The following RPS6 variants were observed in gnomAD, a reference collection of about 807,000 sequenced individuals.
RPS6 encodes the protein small ribosomal subunit protein eS6.
In RPS6, 1 loss-of-function variant was observed where a neutral mutation model predicts 27.1. The observed-to-expected ratio is 0.04, with a 90% CI of 0.01 to 0.18. RPS6 has a LOEUF of 0.18. Ranked by LOEUF, RPS6 falls within the 10% of genes least tolerant of loss-of-function variation. The pLI, the probability that RPS6 is intolerant of heterozygous loss-of-function variation, is 1.00. For synonymous variants in RPS6, 152 were observed against 106.0 expected, an observed-to-expected ratio of 1.43 and a Z score of -2.66; for missense variants, 259 against 319.1, an observed-to-expected ratio of 0.81 and a Z score of 1.44.
At chr9:19,377,392 CTTTTT>C (rs77882767) in intron 4 of RPS6, among the ~76,000 whole-genome samples, 5 of 132,432 alleles carry the variant, frequency 3.8e-5, no homozygotes, top group Admixed American at 1.5e-4. Flanking sequence ...TTGTCAATTG[CTTTTT>C]TTTTTTTTTT....
Position 19,378,885 on chromosome 9 carries a change from T to G in RPS6, c.172A>C (p.Lys58Gln). 6.2e-7 allele frequency: 1 copy of G among 1,614,220 alleles called. No individual in the cohort carries two copies. The highest frequency in any genetic ancestry group is 2.2e-5 in the East Asian group (1 of 44,894). ...CCCTGCTTCATGGGGAAACCTTGTT[T>G]GTCGTTCCCACCACTGATTCGGACC... ...YVVRISGGND[K>Q]QGFPMKQGVL... is the part of the protein sequence containing the mutation. Residue 58 changes from lysine to glutamine, a missense_variant, in exon 3 of 6, where the codon AAA (lysine) becomes CAA (glutamine). Physicochemically the swap from Lys to Gln is moderately conservative, Grantham distance 53 (BLOSUM62 1). Coordinates refer to ENST00000380394, the MANE Select transcript of RPS6 (RefSeq NM_001010.3).
Position 19,380,199 on chromosome 9 carries a change from G to T in RPS6, c.-4C>A. 6.2e-7 allele frequency: 1 copy of T among 1,613,346 alleles called. No individual in the cohort carries two copies. The highest frequency in any genetic ancestry group is 8.5e-7 in the Non-Finnish European group (1 of 1,179,318). On this transcript the variant is annotated 5_prime_UTR_variant, in exon 1 of 6. Transcript: ENST00000380394. The stretch of plus-strand genomic sequence containing the variant: ...CGCCACCATCACCTACCTTCATCTT[G>T]AAGCAGCTGAACGCCTCCGAGGCGC...
At position 19,379,549 on chromosome 9, in the gene RPS6, T is replaced by A. The variant is rs1829644763; in HGVS notation, c.76A>T (p.Thr26Ser). 1 of 1,614,098 alleles carries A rather than the reference T, an allele frequency of 6.2e-7. No individual in the cohort carries two copies. The highest frequency in any genetic ancestry group is 1.7e-5 in the Admixed American group (1 of 60,000). The change falls in exon 2 of 6, where the codon ACT (threonine) becomes TCT (serine). Residue 26 changes from threonine to serine, a missense_variant. By Grantham distance (58) the Thr-to-Ser change is moderately conservative. Transcript: ENST00000380394. ...IEVDDERKLR[T>S]FYEKRMATEV... The stretch of plus-strand genomic sequence containing the variant: ...GTGGCCATACGCTTCTCATAGAAAG[T>A]ACGAAGTTTGCGTTCATCGTCCACT...
At position 19,376,533 on chromosome 9, in the gene RPS6, C is replaced by T. The variant is rs11541619; in HGVS notation, c.615G>A (p.Glu205=). 8 of 1,614,154 alleles carry T rather than the reference C, an allele frequency of 5.0e-6. No individual in the cohort carries two copies. The highest frequency in any genetic ancestry group is 6.8e-6 in the Non-Finnish European group (8 of 1,180,020). The change falls in exon 5 of 6, where the codon GAG becomes GAA. Residue 205 remains glutamate (E), a synonymous_variant. Coordinates refer to ENST00000380394, the MANE Select transcript of RPS6 (RefSeq NM_001010.3). The part of the protein sequence containing the change: ...KKQRTKKNKE[E]AAEYAKLLAK... ...CCAAAAGTTTAGCATATTCTGCAGC[C>T]TCTTCTTTATTTTTCTTGGTACGCT...
At chr9:19,380,053 A>C in intron 1 of RPS6, 137 bp downstream of exon 1, 1 of 1,585,674 alleles carries the variant, frequency 6.3e-7, no homozygotes, top group Non-Finnish European at 8.6e-7. Flanking sequence ...TGCCCCAGAA[A>C]GGCGAGCCTT....
intron 4 of RPS6, 28 bp from the exon 5 acceptor site, chr9:19,376,679 CA>C (rs1431881811): frequency 6.3e-7 from 1 of 1,586,130 alleles, no homozygotes; most frequent in Admixed American, 1.9e-5. Context: ...TCAATCATTT[CA>C]ATATTTGTTT....
At position 19,378,283 on chromosome 9, in the gene RPS6, G is replaced by A. The variant is rs147830872; in HGVS notation, c.496+85C>T. ...TGAATAGTGCTAAGGCCTTCCAAAG[G>A]CACATATTTATCTTCTGATATGCAC... On this transcript the variant is annotated intron_variant, in intron 4 of 5. Coordinates refer to ENST00000380394, the MANE Select transcript of RPS6 (RefSeq NM_001010.3). 1,417 of 1,362,624 alleles carry A rather than the reference G, an allele frequency of 1.0e-3. 14 individuals are homozygous for A. In the African/African-American group the frequency reaches 0.018, roughly 17 times the overall value. The allele number at this position is 1,362,624 out of a possible 1,614,324, so 84.4% of individuals were successfully genotyped here. A position where few individuals can be genotyped will look rare whatever the true frequency, so the allele number is the denominator to read the frequency against.
chr9:19,376,720 T>A lies in RPS6; in HGVS notation c.497-69A>T, dbSNP rs1042475179. ...AGAATCCACATCTACTTTAAAAACA[T>A]CAGAAATAAACGTAAGCTTAACAGC... On this transcript the variant is annotated intron_variant, in intron 4 of 5. Transcript: ENST00000380394. 4.7e-6 allele frequency: 7 copies of A among 1,477,288 alleles called. No homozygotes were observed. In the Middle Eastern group the frequency reaches 5.5e-4, roughly 116 times the overall value. The allele number at this position is 1,477,288 out of a possible 1,614,324, so 91.5% of individuals were successfully genotyped here. A position where few individuals can be genotyped will look rare whatever the true frequency, so the allele number is the denominator to read the frequency against.
chr9:19,380,174 CG>C lies in RPS6; in HGVS notation c.6+15del. ...CGTTCCCCAAACCCAGTCTAACACTCGCCACCATCACCTACCTTCATCTTGA... is the reference window on the plus strand; with the variant it reads ...CGTTCCCCAAACCCAGTCTAACACTCCCACCATCACCTACCTTCATCTTGA... On this transcript the variant is annotated intron_variant, in intron 1 of 5. Transcript: ENST00000380394. The C allele has an allele frequency of 6.2e-7, 1 of 1,614,124 alleles. No homozygotes were observed. The highest frequency in any genetic ancestry group is 8.5e-7 in the Non-Finnish European group (1 of 1,180,030).
rs753861014 is a variant in RPS6, at chr9:19,380,215, T to TCC, written c.-22_-21dup. 1.2e-6 allele frequency: 2 copies of TCC among 1,613,832 alleles called. No individual in the cohort carries two copies. Among genetic ancestry groups the TCC allele is most frequent in the South Asian group, 2.2e-5 (2 of 91,076 alleles). On this transcript the variant is annotated 5_prime_UTR_variant, in exon 1 of 6. Transcript: ENST00000380394. ...CTTCATCTTGAAGCAGCTGAACGCCTCCGAGGCGCCACGGAAAAGAGGGCC... is the reference window on the plus strand; with the variant it reads ...CTTCATCTTGAAGCAGCTGAACGCCTCCCCGAGGCGCCACGGAAAAGAGGGCC...
At chr9:19,380,044 G>A (rs867483089) in intron 1 of RPS6, 146 bp downstream of exon 1, 1 of 1,570,990 alleles carries the variant, frequency 6.4e-7, no homozygotes, top group Middle Eastern at 1.7e-4. Context: ...AAAGCTCCAT[G>A]CCCCAGAAAG....
In RPS6 at chr9:19,376,132, C is replaced by T; in HGVS notation, c.*161G>A. The T allele has an allele frequency of 1.6e-6, 1 of 638,048 alleles. No homozygotes were observed. Among genetic ancestry groups the T allele is most frequent in the Non-Finnish European group, 2.7e-6 (1 of 376,584 alleles). 39.5% of individuals were successfully genotyped at this position (638,048 alleles called of 1,614,324 possible). ...ACTGACCTTGTCTTCCACTACCACA[C>T]ACAATAGGTCTGACTTTATCCACCA... On this transcript the variant is annotated 3_prime_UTR_variant, in exon 6 of 6. Coordinates refer to ENST00000380394, the MANE Select transcript of RPS6 (RefSeq NM_001010.3).
In RPS6 at chr9:19,378,534, G is replaced by A. The variant is rs1429911109; in HGVS notation, c.350-20C>T. 2.5e-6 allele frequency: 4 copies of A among 1,606,902 alleles called. No individual in the cohort carries two copies. The highest frequency in any genetic ancestry group is 3.4e-6 in the Non-Finnish European group (4 of 1,177,696). On this transcript the variant is annotated intron_variant, in intron 3 of 5. Coordinates refer to ENST00000380394, the MANE Select transcript of RPS6 (RefSeq NM_001010.3). The stretch of plus-strand genomic sequence containing the variant: ...TCTCTCCTTAGAAGAAACAGTTGAA[G>A]AGATTTTAATTCAACAACTTCCTTA...
chr9:19,378,510 C>G lies in RPS6; in HGVS notation c.354G>C (p.Glu118Asp). 1 of 1,612,464 alleles carries G rather than the reference C, an allele frequency of 6.2e-7. No individual in the cohort carries two copies. Among genetic ancestry groups the G allele is most frequent in the Non-Finnish European group, 8.5e-7 (1 of 1,179,630 alleles). ...VLNLVIVKKG[E>D]KDIPGLTDTT... The stretch of plus-strand genomic sequence containing the variant: ...TATCAGTCAGTCCAGGAATATCCTT[C>G]TCTCCTTAGAAGAAACAGTTGAAGA... The change falls in exon 4 of 6, where the codon GAG becomes GAC. Residue 118 changes from glutamate (E) to aspartate (D), a missense_variant. Physicochemically the swap from Glu to Asp is conservative, Grantham distance 45 (BLOSUM62 2). Transcript: ENST00000380394.
rs1829591177 is a variant in RPS6 at position 19,376,529 on chromosome 9, C to T, written c.619G>A (p.Ala207Thr). ...TTGGCCAAAAGTTTAGCATATTCTG[C>T]AGCCTCTTCTTTATTTTTCTTGGTA... ...QRTKKNKEEA[A>T]EYAKLLAKRM... Residue 207 changes from alanine to threonine, a missense_variant, in exon 5 of 6, where the codon GCA (alanine) becomes ACA (threonine). Coordinates refer to ENST00000380394, the MANE Select transcript of RPS6 (RefSeq NM_001010.3). 2 of 1,614,138 alleles carry T rather than the reference C, an allele frequency of 1.2e-6. No individual in the cohort carries two copies. The highest frequency in any genetic ancestry group is 1.7e-6 in the Non-Finnish European group (2 of 1,180,016).
intron 1 of RPS6, chr9:19,379,931 G>A (rs1829651392): frequency 7.0e-7 from 1 of 1,433,048 alleles, no homozygotes; most frequent in Non-Finnish European, 9.1e-7. Context: ...GCCGCAAACT[G>A]GGCAACACGC....
chr9:19,379,350 T>C, intron 2 of RPS6, 137 bp downstream of exon 2: 12 of 1,546,248 alleles, frequency 7.8e-6, no homozygotes, highest in Middle Eastern at 1.7e-4. Context: ...CCTCTAACTT[T>C]ATAAAGTGGC....
intron 4 of RPS6, among the ~76,000 whole-genome samples, chr9:19,377,515 C>A (rs1365979324): frequency 2.0e-5 from 3 of 151,646 alleles, no homozygotes; most frequent in Non-Finnish European, 4.4e-5. Context: ...CAGACGTATA[C>A]TATCTATGCC....
Position 19,378,809 on chromosome 9 carries a change from C to G in RPS6, c.248G>C (p.Cys83Ser). Residue 83 changes from cysteine to serine, a missense_variant, in exon 3 of 6, where the codon TGT (cysteine) becomes TCT (serine). Transcript: ENST00000380394. Reference sequence around the variant, plus strand: ...TTCTCCAGTTCTCCTTGGTCTGTAACAGGAATGCCCCTTACTCAGTAGCAG... The same window carrying G: ...TTCTCCAGTTCTCCTTGGTCTGTAAGAGGAATGCCCCTTACTCAGTAGCAG... ...VRLLLSKGHS[C>S]YRPRRTGERK... is the part of the protein sequence containing the mutation. 6.2e-7 allele frequency: 1 copy of G among 1,614,140 alleles called. No individual in the cohort carries two copies. The highest frequency in any genetic ancestry group is 8.5e-7 in the Non-Finnish European group (1 of 1,180,026).
Sources: allele counts gnomAD v4.1 joint callset (sites outside exome capture counted in the v4.1 genomes callset), GRCh38; gene constraint gnomAD v4.1.1; transcripts MANE v1.5; gene names NCBI Gene and HGNC (gene_info 2026-07-23, HGNC 2026-07-21).